The following PDE10A variants were observed in gnomAD, a reference collection of about 807,000 sequenced individuals.
PDE10A encodes phosphodiesterase 10A, also known as cAMP and cAMP-inhibited cGMP 3',5'-cyclic phosphodiesterase 10A.
Under a neutral mutation model 97.7 loss-of-function variants are expected in PDE10A, and 39 were observed. The observed-to-expected ratio is 0.40, with a 90% CI of 0.31 to 0.52. The LOEUF (loss-of-function observed/expected upper bound fraction) is 0.52, where lower values mean the gene tolerates loss of function less well. PDE10A is among the 20% of genes least tolerant of loss of function. The pLI is 0.56. For missense variants in PDE10A, 731 were observed against 1,047.8 expected, an observed-to-expected ratio of 0.70 and a Z score of 4.17; for synonymous variants, 371 against 376.8, an observed-to-expected ratio of 0.98 and a Z score of 0.18.
intron 1 of PDE10A, among the ~76,000 whole-genome samples, chr6:165,861,116 A>G (rs1378024719): frequency 1.3e-5 from 2 of 152,226 alleles, no homozygotes; most frequent in African/African-American, 4.8e-5. Flanking sequence ...TCAGGCCCGT[A>G]TTGCAACCCA....
chr6:165,618,839 C>T (rs560107586), intron 1 of PDE10A, among the ~76,000 whole-genome samples: 24 of 152,292 alleles, frequency 1.6e-4, no homozygotes, highest in African/African-American at 5.1e-4. Context: ...GTTGAGAGAG[C>T]GCATTAAATG....
At chr6:165,394,357 G>T (rs1313782251) in intron 15 of PDE10A, among the ~76,000 whole-genome samples, 1 of 152,022 alleles carries the variant, frequency 6.6e-6, no homozygotes, top group South Asian at 2.1e-4. Context: ...TGAGAATGAT[G>T]GTTTCCAGCT....
chr6:165,973,433 T>A lies in PDE10A; in HGVS notation c.-615+14096A>T, dbSNP rs750755745. Reference sequence around the variant, plus strand: ...CGCCTCAAAAAAAAAAAAAATAAAATAAAAAAGTGATGGAATTGAGGTCTC... The same window carrying A: ...CGCCTCAAAAAAAAAAAAAATAAAAAAAAAAAGTGATGGAATTGAGGTCTC... On this transcript the variant is annotated intron_variant, in intron 1 of 19. Coordinates refer to the PDE10A transcript ENST00000366882. 2.4e-3 allele frequency among the ~76,000 whole-genome samples: 354 copies of A among 148,746 alleles called. 2 individuals carry two copies. The highest frequency in any genetic ancestry group is 3.2e-3 in the Non-Finnish European group (214 of 67,078).
intron 1 of PDE10A, among the ~76,000 whole-genome samples, chr6:165,800,735 C>T (rs1208818531): frequency 1.3e-5 from 2 of 152,216 alleles, no homozygotes; most frequent in African/African-American, 4.8e-5. Context: ...GGTACGACTA[C>T]AACGCAGAGC....
intron 1 of PDE10A, among the ~76,000 whole-genome samples, chr6:165,778,779 T>C (rs575895843): frequency 1.3e-5 from 2 of 152,246 alleles, no homozygotes; most frequent in Non-Finnish European, 2.9e-5. Context: ...TTTTCATATT[T>C]CCACTGACCA....
chr6:165,436,371 T>C (rs1319077250), intron 5 of PDE10A, among the ~76,000 whole-genome samples: 2 of 152,158 alleles, frequency 1.3e-5, no homozygotes, highest in East Asian at 3.8e-4. Flanking sequence ...TTAAGCCTTG[T>C]AAAATTACAG....
chr6:165,424,880 T>G (rs73245654), intron 10 of PDE10A, among the ~76,000 whole-genome samples: 6,509 of 152,114 alleles, frequency 0.043, 397 homozygotes, highest in African/African-American at 0.13. Flanking sequence ...AGATGCAAAC[T>G]CACAGAAAAT....
chr6:165,730,185 C>T (rs1328164840), intron 1 of PDE10A, among the ~76,000 whole-genome samples: 1 of 149,440 alleles, frequency 6.7e-6, no homozygotes, highest in Non-Finnish European at 1.5e-5. Flanking sequence ...CCACTGAAAA[C>T]AGAGGACTGG....
chr6:165,465,533 G>C (rs1203376934), intron 3 of PDE10A, among the ~76,000 whole-genome samples: 7 of 152,182 alleles, frequency 4.6e-5, no homozygotes, highest in Non-Finnish European at 8.8e-5. Flanking sequence ...TTCTCACGCT[G>C]CTATGAAGAC....
In PDE10A at chr6:165,806,235, T is replaced by C. The variant is rs138243699; in HGVS notation, c.-615+181294A>G. ...TCTTTTGTGTAAGGCAAACTCTTCA[T>C]CTTGGGTGTGTAAATATGGAAACCC... On this transcript the variant is annotated intron_variant, in intron 1 of 19. Transcript: ENST00000366882. 4.6e-4 allele frequency among the ~76,000 whole-genome samples: 70 copies of C among 152,086 alleles called. 1 individual carries two copies. Among genetic ancestry groups the C allele is most frequent in the African/African-American group, 1.4e-3 (58 of 41,468 alleles).
rs75880897 is a variant in PDE10A at position 165,846,321 on chromosome 6, C to G, written c.-615+141208G>C. On this transcript the variant is annotated intron_variant, in intron 1 of 19. Coordinates refer to the PDE10A transcript ENST00000366882. ...GAAGCCTGTAATTATCATTCCACCC[C>G]CTCCATCGGAAGTACCGAGGTGCAG... 5.3e-5 allele frequency among the ~76,000 whole-genome samples: 8 copies of G among 152,312 alleles called. No individual in the cohort carries two copies. In the South Asian group the frequency reaches 1.7e-3, roughly 32 times the overall value.
At chr6:165,473,022 G>A (rs1205595282) in intron 3 of PDE10A, among the ~76,000 whole-genome samples, 2 of 152,048 alleles carry the variant, frequency 1.3e-5, no homozygotes, top group Non-Finnish European at 2.9e-5. Flanking sequence ...GAATAAAACT[G>A]CTATATACAT....
In PDE10A at chr6:165,403,439, C is replaced by G. The variant is rs149150715; in HGVS notation, c.2077-6980G>C. Among the ~76,000 whole-genome samples, 8 of 152,152 alleles carry G rather than the reference C, an allele frequency of 5.3e-5. No homozygotes were observed. In the East Asian group the frequency reaches 1.4e-3, roughly 26 times the overall value. ...AACAGGGAAACACACAAATCAGGAC[C>G]CTTCTGTTTTTAGAGAGGTTGCTGT... On this transcript the variant is annotated intron_variant, in intron 13 of 21. Coordinates refer to ENST00000539869, the MANE Select transcript of PDE10A (RefSeq NM_001385079.1).
At chr6:165,935,151 C>T (rs1387688962) in intron 1 of PDE10A, among the ~76,000 whole-genome samples, 2 of 152,084 alleles carry the variant, frequency 1.3e-5, no homozygotes, top group Non-Finnish European at 2.9e-5. Flanking sequence ...TAGGAGGTTG[C>T]GTAGGAAAAG....
intron 9 of PDE10A, 47 bp from the exon 10 acceptor site, chr6:165,428,756 A>G: frequency 2.8e-6 from 2 of 720,900 alleles, no homozygotes; most frequent in Non-Finnish European, 2.4e-6. Context: ...ATTAGTTCAC[A>G]GTACATATTA....
chr6:165,861,635 G>A (rs940619045), intron 1 of PDE10A, among the ~76,000 whole-genome samples: 1 of 152,006 alleles, frequency 6.6e-6, no homozygotes, highest in Non-Finnish European at 1.5e-5. Flanking sequence ...ACAGATGGGA[G>A]TTCGCTGGGA....
chr6:165,509,263 A>T (rs1203548013), intron 2 of PDE10A, among the ~76,000 whole-genome samples: 2 of 151,860 alleles, frequency 1.3e-5, no homozygotes, highest in Non-Finnish European at 2.9e-5. Flanking sequence ...TAATATTTCA[A>T]GTCCTTTCTT....
chr6:165,583,417 G>C (rs1785726584), intron 1 of PDE10A, among the ~76,000 whole-genome samples: 1 of 152,194 alleles, frequency 6.6e-6, no homozygotes, highest in Admixed American at 6.5e-5. Flanking sequence ...CCAATCCCTG[G>C]AACCTGTAGA....
chr6:165,369,520 T>G (rs1784070735), intron 18 of PDE10A, among the ~76,000 whole-genome samples: 1 of 139,974 alleles, frequency 7.1e-6, no homozygotes, highest in Non-Finnish European at 1.5e-5. Context: ...GAGAAGGAAG[T>G]TTAGAGAAAA....
Sources: allele counts gnomAD v4.1 joint callset (sites outside exome capture counted in the v4.1 genomes callset), GRCh38; gene constraint gnomAD v4.1.1; transcripts MANE v1.5; gene names NCBI Gene and HGNC (gene_info 2026-07-23, HGNC 2026-07-21).